The following DCUN1D3 variants were observed in gnomAD, a reference collection of about 807,000 sequenced individuals.
The protein encoded by DCUN1D3 is defective in cullin neddylation 1 domain containing 3.
Under a neutral mutation model 24.8 loss-of-function variants are expected in DCUN1D3, and 6 were observed. The ratio of observed to expected loss-of-function variants is 0.24; its 90% CI spans 0.13 to 0.48. DCUN1D3 has a LOEUF of 0.48. Among genes scored for constraint, DCUN1D3 ranks in the 20% least tolerant of loss-of-function variants. The pLI, the probability that DCUN1D3 is intolerant of heterozygous loss-of-function variation, is 0.99. For missense variants in DCUN1D3, 258 were observed against 379.4 expected (o/e 0.68, Z 2.66); for synonymous variants, 120 against 144.9 (o/e 0.83, Z 1.24).
At chr16:20,873,108 G>T (rs1265179210) in intron 1 of DCUN1D3, among the ~76,000 whole-genome samples, 1 of 147,162 alleles carries the variant, frequency 6.8e-6, no homozygotes, top group African/African-American at 2.5e-5. Context: ...GCTACAGAGC[G>T]AGACTCTGTC....
chr16:20,859,145 T>G lies in DCUN1D3; in HGVS notation c.*741A>C, dbSNP rs926375966. The G allele has an allele frequency of 2.0e-5, 3 of 152,728 alleles. No homozygotes were observed. Among genetic ancestry groups the G allele is most frequent in the Non-Finnish European group, 2.9e-5 (2 of 68,024 alleles). 9.5% of individuals were successfully genotyped at this position (152,728 alleles called of 1,614,324 possible). On this transcript the variant is annotated 3_prime_UTR_variant, in exon 3 of 3. Coordinates refer to ENST00000324344, the MANE Select transcript of DCUN1D3 (RefSeq NM_173475.4). ...AAAAAATGCTCACTTGACTGACAGGTGCAGCATGTTGATGGAAAAACTCAA... is the reference window on the plus strand; with the variant it reads ...AAAAAATGCTCACTTGACTGACAGGGGCAGCATGTTGATGGAAAAACTCAA...
intron 1 of DCUN1D3, among the ~76,000 whole-genome samples, chr16:20,879,210 G>A (rs1241659392): frequency 1.3e-5 from 2 of 152,204 alleles, no homozygotes; most frequent in South Asian, 2.1e-4. Flanking sequence ...GGTAGCTGGA[G>A]ACGGGGTATC....
At chr16:20,866,831 C>T (rs940253065) in intron 1 of DCUN1D3, among the ~76,000 whole-genome samples, 10 of 152,256 alleles carry the variant, frequency 6.6e-5, no homozygotes, top group African/African-American at 2.2e-4. Context: ...TATGGTCCCC[C>T]GATTACTCTG....
chr16:20,868,694 C>T (rs953126940), intron 1 of DCUN1D3, among the ~76,000 whole-genome samples: 1 of 152,134 alleles, frequency 6.6e-6, no homozygotes, highest in Non-Finnish European at 1.5e-5. Context: ...CCCAGATCTC[C>T]CATAGCGATT....
At chr16:20,875,005 C>G (rs1440149073) in intron 1 of DCUN1D3, among the ~76,000 whole-genome samples, 2 of 152,110 alleles carry the variant, frequency 1.3e-5, no homozygotes, top group Non-Finnish European at 2.9e-5. Flanking sequence ...CACTTCCCAC[C>G]CACATGACCT....
intron 1 of DCUN1D3, among the ~76,000 whole-genome samples, chr16:20,892,271 T>A (rs1414767799): frequency 1.3e-5 from 2 of 152,172 alleles, no homozygotes; most frequent in Non-Finnish European, 2.9e-5. Context: ...ACACACAGCA[T>A]TCACTCTATC....
intron 1 of DCUN1D3, among the ~76,000 whole-genome samples, chr16:20,864,356 G>A (rs148662647): frequency 6.6e-6 from 1 of 152,052 alleles, no homozygotes; most frequent in East Asian, 1.9e-4. Flanking sequence ...CTCAAAAGAA[G>A]ACATACATGT....
intron 1 of DCUN1D3, among the ~76,000 whole-genome samples, chr16:20,876,615 G>A (rs2081816934): frequency 1.3e-5 from 2 of 151,946 alleles, no homozygotes; most frequent in African/African-American, 4.8e-5. Flanking sequence ...TATGTGCAAA[G>A]GAAAGAAAAT....
intron 1 of DCUN1D3, among the ~76,000 whole-genome samples, chr16:20,876,763 T>A (rs2081817787): frequency 6.6e-6 from 1 of 152,208 alleles, no homozygotes; most frequent in African/African-American, 2.4e-5. Flanking sequence ...TGGAATATTA[T>A]TCAGCCATAA....
At chr16:20,878,828 T>C (rs1372123159) in intron 1 of DCUN1D3, among the ~76,000 whole-genome samples, 1 of 152,126 alleles carries the variant, frequency 6.6e-6, no homozygotes, top group Admixed American at 6.5e-5. Context: ...GTCCTCCATC[T>C]CTTTACAGCC....
chr16:20,887,337 T>C (rs894699898), intron 1 of DCUN1D3, among the ~76,000 whole-genome samples: 1 of 152,092 alleles, frequency 6.6e-6, no homozygotes, highest in African/African-American at 2.4e-5. Context: ...ACAGAACTAG[T>C]AAATGAAAAG....
Position 20,859,948 on chromosome 16 carries a change from C to T in DCUN1D3, c.853G>A (p.Gly285Arg). Residue 285 changes from glycine (G) to arginine (R), a missense_variant, in exon 3 of 3, where the codon GGG (glycine) becomes AGG (arginine). Coordinates refer to ENST00000324344, the MANE Select transcript of DCUN1D3 (RefSeq NM_173475.4). ...EWEMERRKREGEGRGALSSGP... is the reference protein window; with the variant it reads ...EWEMERRKREREGRGALSSGP... Reference sequence around the variant, plus strand: ...GAGCTGAGTGCACCTCTCCCTTCCCCTTCTCTTTTCCTTCGCTCCATTTCC... The same window carrying T: ...GAGCTGAGTGCACCTCTCCCTTCCCTTTCTCTTTTCCTTCGCTCCATTTCC... 8 of 1,614,214 alleles carry T rather than the reference C, an allele frequency of 5.0e-6. No individual in the cohort carries two copies. The highest frequency in any genetic ancestry group is 6.8e-6 in the Non-Finnish European group (8 of 1,180,034).
intron 1 of DCUN1D3, among the ~76,000 whole-genome samples, chr16:20,891,020 G>C (rs1410917480): frequency 2.0e-5 from 3 of 150,706 alleles, no homozygotes; most frequent in Non-Finnish European, 4.4e-5. Context: ...TTGAGATGGA[G>C]TCTCACTCTA....
intron 1 of DCUN1D3, among the ~76,000 whole-genome samples, chr16:20,879,792 G>A (rs2081833890): frequency 6.6e-6 from 1 of 152,210 alleles, no homozygotes; most frequent in South Asian, 2.1e-4. Context: ...CTGCCAGGCA[G>A]CCAAGATTAA....
intron 1 of DCUN1D3, among the ~76,000 whole-genome samples, chr16:20,882,850 G>A (rs924496763): frequency 1.8e-4 from 27 of 152,132 alleles, no homozygotes; most frequent in African/African-American, 5.1e-4. Flanking sequence ...TTACAAAACT[G>A]GTTTTTAGTT....
chr16:20,856,850 T>C lies in DCUN1D3; in HGVS notation c.*3036A>G, dbSNP rs1372379648. 6.6e-6 allele frequency: 1 copy of C among 152,244 alleles called. No individual in the cohort carries two copies. The highest frequency in any genetic ancestry group is 1.5e-5 in the Non-Finnish European group (1 of 68,058). The allele number at this position is 152,244 out of a possible 1,614,324, so 9.4% of individuals were successfully genotyped here. A position where few individuals can be genotyped will look rare whatever the true frequency, so the allele number is the denominator to read the frequency against. On this transcript the variant is annotated 3_prime_UTR_variant, in exon 3 of 3. Transcript: ENST00000324344. ...TTGTCAAAACTGAGTTATTTCTTAT[T>C]TCCCAACACACTTGTTTGTTGTTGC...
At chr16:20,872,064 T>C (rs907261914) in intron 1 of DCUN1D3, among the ~76,000 whole-genome samples, 2 of 152,218 alleles carry the variant, frequency 1.3e-5, no homozygotes, top group Non-Finnish European at 1.5e-5. Flanking sequence ...AGTAAACCAC[T>C]GATTAGCACT....
intron 1 of DCUN1D3, among the ~76,000 whole-genome samples, chr16:20,876,120 C>A (rs1408418970): frequency 2.6e-5 from 4 of 152,066 alleles, no homozygotes; most frequent in Admixed American, 6.5e-5. Context: ...GCGCATGCCA[C>A]CAGGCCCAGC....
chr16:20,887,307 G>T (rs2081872101), intron 1 of DCUN1D3, among the ~76,000 whole-genome samples: 3 of 152,020 alleles, frequency 2.0e-5, no homozygotes, highest in African/African-American at 7.2e-5. Flanking sequence ...ATCTCAAAAA[G>T]TAAGTAAATA....
Sources: gnomAD v4.1 joint callset for allele counts (sites outside exome capture counted in the v4.1 genomes callset) on GRCh38, gnomAD v4.1.1 for gene constraint, MANE v1.5 for transcripts, NCBI Gene and HGNC (gene_info 2026-07-23, HGNC 2026-07-21) for gene names.